TUT4: variants seen among roughly 807,000 people sequenced by gnomAD.
TUT4 encodes the protein terminal uridylyltransferase 4.
A neutral mutation model predicts 192.2 loss-of-function variants in TUT4; 36 were observed. The ratio of observed to expected loss-of-function variants is 0.19; its 90% CI spans 0.14 to 0.25. TUT4 has a LOEUF of 0.25. Ranked by LOEUF, TUT4 falls within the 10% of genes least tolerant of loss-of-function variation. The pLI is 1.00. For missense variants in TUT4, 1,493 were observed against 1,957.2 expected (o/e 0.76, Z 4.47); for synonymous variants, 618 against 666.0 (o/e 0.93, Z 1.11).
Position 52,474,459 on chromosome 1 carries a change from G to A in TUT4, c.2727+373C>T, listed in dbSNP as rs150769457. ...GAATTTACAAACCTTTTATTTTGGG[G>A]GGGGAAGAAAAATTTTATGTATAAA... On this transcript the variant is annotated intron_variant, in intron 13 of 29. Transcript: ENST00000257177. Among the ~76,000 whole-genome samples the A allele has an allele frequency of 3.6e-3, 542 of 152,150 alleles. 7 individuals carry two copies. The highest frequency in any genetic ancestry group is 0.034 in the South Asian group (163 of 4,818).
At chr1:52,433,585 G>T (rs1652793123) in intron 27 of TUT4, 1 of 152,186 alleles carries the variant, frequency 6.6e-6, no homozygotes, top group Non-Finnish European at 1.5e-5. Context: ...CCATTAGACA[G>T]ACTCTTTCCG....
At chr1:52,502,920 G>T (rs572628052) in intron 4 of TUT4, among the ~76,000 whole-genome samples, 1 of 152,100 alleles carries the variant, frequency 6.6e-6, no homozygotes, top group African/African-American at 2.4e-5. Flanking sequence ...CACCAAGCCT[G>T]GCACATTAAG....
At chr1:52,550,040 G>A (rs1689011766) in intron 1 of TUT4, among the ~76,000 whole-genome samples, 3 of 151,934 alleles carry the variant, frequency 2.0e-5, no homozygotes, top group African/African-American at 7.3e-5. Context: ...GAAATACTCC[G>A]GAGGAAAAGT....
Position 52,446,458 on chromosome 1 carries a change from A to AG in TUT4, c.3514-17_3514-16insC, listed in dbSNP as rs2148458695. 1 of 1,577,500 alleles carries AG rather than the reference A, an allele frequency of 6.3e-7. No individual in the cohort carries two copies. Among genetic ancestry groups the AG allele is most frequent in the Non-Finnish European group, 8.5e-7 (1 of 1,170,222 alleles). ...AACGCTTTTTCTACATATAAAAAAA[A>AG]AAAGAAAAGAACAATGTCTATACAG... On this transcript the variant is annotated splice_polypyrimidine_tract_variant and intron_variant, in intron 21 of 29. Transcript: ENST00000257177.
intron 4 of TUT4, among the ~76,000 whole-genome samples, chr1:52,499,169 C>CA (rs1235560305): frequency 6.6e-6 from 1 of 151,578 alleles, no homozygotes; most frequent in Non-Finnish European, 1.5e-5. Context: ...GAAGCCAAGG[C>CA]AGGTGGATTG....
At chr1:52,506,886 G>A (rs1675741994) in intron 4 of TUT4, among the ~76,000 whole-genome samples, 1 of 152,158 alleles carries the variant, frequency 6.6e-6, no homozygotes, top group Non-Finnish European at 1.5e-5. Flanking sequence ...TCAGTGATGA[G>A]TATTTTTGTA....
chr1:52,489,291 A>G (rs1670560792), intron 8 of TUT4, among the ~76,000 whole-genome samples: 1 of 152,214 alleles, frequency 6.6e-6, no homozygotes. Flanking sequence ...AACCAAACTT[A>G]GTATTTAAGT....
chr1:52,445,839 T>C lies in TUT4; in HGVS notation c.3770A>G (p.Asn1257Ser). The C allele has an allele frequency of 6.2e-7, 1 of 1,613,014 alleles. No individual in the cohort carries two copies. ...AGGGGTACCAAAAAGTTTCCTTCCA[T>C]TGATAAATGCTTTCATGATGAAATT... ...MTNFIMKAFI[N>S]GRKLFGTPFY... Residue 1257 changes from asparagine (N) to serine (S), a missense_variant, in exon 24 of 30, where the codon AAT (asparagine) becomes AGT (serine). By Grantham distance (46) the Asn-to-Ser change is conservative. Transcript: ENST00000257177.
In TUT4 at chr1:52,488,911, T is replaced by C; in HGVS notation, c.1513A>G (p.Lys505Glu). The C allele has an allele frequency of 6.2e-7, 1 of 1,608,544 alleles. No individual in the cohort carries two copies. The highest frequency in any genetic ancestry group is 8.5e-7 in the Non-Finnish European group (1 of 1,178,442). ...TAGTTTTCCTCTCTTTCACTTACCT[T>C]AGCCCAGTAGCGAAAGGCTAACACC... ...PLVLAFRYWA[K>E]LCYIDSQTDG... Residue 505 changes from lysine to glutamate, a missense_variant and splice_region_variant, in exon 9 of 30, where the codon AAG becomes GAG. Transcript: ENST00000257177.
intron 1 of TUT4, among the ~76,000 whole-genome samples, chr1:52,530,793 G>C (rs544590264): frequency 6.6e-6 from 1 of 151,992 alleles, no homozygotes; most frequent in Admixed American, 6.6e-5. Context: ...GCTTGAGCTC[G>C]CAAGTTCGAG....
chr1:52,538,573 G>A (rs924558622), intron 1 of TUT4: 10 of 150,308 alleles, frequency 6.7e-5, no homozygotes, highest in African/African-American at 2.2e-4. Flanking sequence ...CTTGCACTTG[G>A]GAGGTGAAGG....
intron 20 of TUT4, among the ~76,000 whole-genome samples, chr1:52,455,435 C>G (rs1660607591): frequency 6.6e-6 from 1 of 151,312 alleles, no homozygotes; most frequent in African/African-American, 2.4e-5. Flanking sequence ...TGGCAAAACC[C>G]CATCTCTACT....
At position 52,446,584 on chromosome 1, in the gene TUT4, A is replaced by G. The variant is rs769636739; in HGVS notation, c.3513+6T>C. On this transcript the variant is annotated splice_donor_region_variant and intron_variant, in intron 21 of 29. Coordinates refer to ENST00000257177, the MANE Select transcript of TUT4 (RefSeq NM_001009881.3). Reference sequence around the variant, plus strand: ...TTCTAGAACATAAAGACTATTTTAAAATTACCAGTTCTTCTGTTTTATCAA... The same window carrying G: ...TTCTAGAACATAAAGACTATTTTAAGATTACCAGTTCTTCTGTTTTATCAA... The G allele has an allele frequency of 8.1e-6, 13 of 1,598,884 alleles. No individual in the cohort carries two copies. The South Asian group carries it at 1.5e-4, about 18-fold the overall frequency.
intron 8 of TUT4, among the ~76,000 whole-genome samples, chr1:52,489,258 T>A (rs1039762697): frequency 6.6e-6 from 1 of 152,230 alleles, no homozygotes; most frequent in African/African-American, 2.4e-5. Flanking sequence ...TTAACATTCA[T>A]TTGTACTTCA....
intron 4 of TUT4, among the ~76,000 whole-genome samples, chr1:52,505,418 CT>C (rs35140317): frequency 9.2e-4 from 101 of 109,526 alleles, no homozygotes; most frequent in Middle Eastern, 9.8e-3. Flanking sequence ...TTTGCTTAGA[CT>C]TTTTTTTTTT....
At chr1:52,494,744 G>GT in intron 6 of TUT4, among the ~76,000 whole-genome samples, 1 of 152,056 alleles carries the variant, frequency 6.6e-6, no homozygotes, top group East Asian at 1.9e-4. Flanking sequence ...TAAAGTAAAT[G>GT]TATCACCCTA....
At chr1:52,501,717 T>A (rs1229549764) in intron 4 of TUT4, among the ~76,000 whole-genome samples, 3 of 152,112 alleles carry the variant, frequency 2.0e-5, no homozygotes, top group Admixed American at 6.5e-5. Flanking sequence ...CAAGTGTCCA[T>A]CCATGGATGA....
Position 52,509,794 on chromosome 1 carries a change from T to C in TUT4, c.883-82A>G, listed in dbSNP as rs535071012. 4.3e-5 allele frequency: 35 copies of C among 822,838 alleles called. No individual in the cohort carries two copies. The African/African-American group carries it at 5.0e-4, about 12-fold the overall frequency. 51.0% of individuals were successfully genotyped at this position (822,838 alleles called of 1,614,324 possible). On this transcript the variant is annotated intron_variant, in intron 3 of 29. Coordinates refer to ENST00000257177, the MANE Select transcript of TUT4 (RefSeq NM_001009881.3). ...TGACTATATAAGTGAATAATACAAT[T>C]ATGTAAGTAGACAGAAATAAGCACT...
In TUT4 at chr1:52,423,882, G is replaced by T. The variant is rs1648851570; in HGVS notation, c.*53C>A. 6.3e-7 allele frequency: 1 copy of T among 1,598,284 alleles called. No individual in the cohort carries two copies. Among genetic ancestry groups the T allele is most frequent in the South Asian group, 1.1e-5 (1 of 88,632 alleles). On this transcript the variant is annotated 3_prime_UTR_variant, in exon 30 of 30. Coordinates refer to ENST00000257177, the MANE Select transcript of TUT4 (RefSeq NM_001009881.3). ...GGTACGGATACCCTTGAGACAGCAG[G>T]ATTGGCTGGTTGCTGTGCATCGGTA...
Sources: allele counts gnomAD v4.1 joint callset (sites outside exome capture counted in the v4.1 genomes callset), GRCh38; gene constraint gnomAD v4.1.1; transcripts MANE v1.5; gene names NCBI Gene and HGNC (gene_info 2026-07-23, HGNC 2026-07-21).